Variants in PRELID2 observed in about 807,000 individuals in gnomAD.
PRELID2 encodes PRELI domain-containing protein 2.
A neutral mutation model predicts 28.4 loss-of-function variants in PRELID2; 25 were observed. That is an observed-to-expected ratio of 0.88 (90% CI 0.64 to 1.23). The LOEUF (loss-of-function observed/expected upper bound fraction) is 1.23, where lower values mean the gene tolerates loss of function less well. Among genes scored for constraint, PRELID2 ranks in the 50% most tolerant of loss-of-function variants. PRELID2 has a pLI of 0.00. For synonymous variants in PRELID2, 76 were observed against 71.6 expected (o/e 1.06, Z -0.31); for missense variants, 201 against 214.4 (o/e 0.94, Z 0.39).
chr5:145,764,793 C>T (rs533006674), intron 6 of PRELID2, 138 bp downstream of exon 6: 79 of 640,290 alleles, frequency 1.2e-4, no homozygotes, highest in Non-Finnish European at 2.0e-4. Context: ...GATAAAACAC[C>T]TGTGAAATAG....
At chr5:145,600,645 T>C (rs1753383408) in intron 1 of PRELID2, among the ~76,000 whole-genome samples, 1 of 151,946 alleles carries the variant, frequency 6.6e-6, no homozygotes, top group Non-Finnish European at 1.5e-5. Flanking sequence ...AAACTCTCGA[T>C]TTAGACTTCA....
chr5:145,832,004 C>T (rs1220930984), intron 1 of PRELID2, among the ~76,000 whole-genome samples: 4 of 152,158 alleles, frequency 2.6e-5, no homozygotes, highest in Non-Finnish European at 5.9e-5. Context: ...TAAGTCGCTA[C>T]GTTTTGGAGT....
At chr5:145,423,142 A>G in the PRELID2 span, among the ~76,000 whole-genome samples, 10 of 151,868 alleles carry the variant, frequency 6.6e-5, no homozygotes, top group African/African-American at 1.9e-4. Flanking sequence ...AGGGTAACCC[A>G]ACCTTTCTCT....
the PRELID2 span, among the ~76,000 whole-genome samples, chr5:145,278,617 A>G: frequency 2.6e-5 from 4 of 152,162 alleles, no homozygotes; most frequent in Admixed American, 1.3e-4. Context: ...AGAATCCTAC[A>G]TAACATAATC....
the PRELID2 span, among the ~76,000 whole-genome samples, chr5:145,364,011 A>T: frequency 6.6e-6 from 1 of 151,986 alleles, no homozygotes; most frequent in Non-Finnish European, 1.5e-5. Context: ...GCTGCATAAA[A>T]CTTCACACAA....
the PRELID2 span, among the ~76,000 whole-genome samples, chr5:145,310,338 C>G: frequency 1.3e-5 from 2 of 152,112 alleles, no homozygotes; most frequent in Non-Finnish European, 2.9e-5. Flanking sequence ...CTTACAATAT[C>G]AGACTTCTGA....
chr5:145,229,917 T>C, the PRELID2 span: 1 of 750,432 alleles, frequency 1.3e-6, no homozygotes, highest in Non-Finnish European at 2.5e-6. Context: ...GTCCCCACTG[T>C]CTCTCTACAA....
chr5:145,644,640 T>C (rs1194851052), intron 1 of PRELID2, among the ~76,000 whole-genome samples: 3 of 152,234 alleles, frequency 2.0e-5, no homozygotes, highest in Non-Finnish European at 2.9e-5. Context: ...CTGCTGTCTC[T>C]TGTGGGCATT....
chr5:145,480,716 C>T (rs1752150907), intron 1 of PRELID2, among the ~76,000 whole-genome samples: 1 of 152,028 alleles, frequency 6.6e-6, no homozygotes, highest in South Asian at 2.1e-4. Flanking sequence ...ATTTTTTCCT[C>T]TACTCAAAGC....
At chr5:145,242,499 G>A in the PRELID2 span, among the ~76,000 whole-genome samples, 1 of 152,006 alleles carries the variant, frequency 6.6e-6, no homozygotes, top group Non-Finnish European at 1.5e-5. Flanking sequence ...TCTGTCCAAG[G>A]TTATCCGGAT....
At chr5:145,737,758 C>T (rs538034117) in intron 1 of PRELID2, among the ~76,000 whole-genome samples, 57 of 152,322 alleles carry the variant, frequency 3.7e-4, no homozygotes, top group African/African-American at 1.4e-3. Flanking sequence ...TAGACTTTCA[C>T]CCTCACCAGG....
chr5:145,396,455 G>A, the PRELID2 span, among the ~76,000 whole-genome samples: 1 of 144,332 alleles, frequency 6.9e-6, no homozygotes, highest in Admixed American at 7.0e-5. Context: ...AGCCTAAAAT[G>A]TAAGAATGAC....
chr5:145,289,644 G>C, the PRELID2 span, among the ~76,000 whole-genome samples: 5 of 152,174 alleles, frequency 3.3e-5, no homozygotes, highest in East Asian at 7.7e-4. Flanking sequence ...CATATGGTAA[G>C]ACTATATTTA....
At chr5:145,706,466 G>A (rs1755550172) in intron 1 of PRELID2, among the ~76,000 whole-genome samples, 1 of 152,138 alleles carries the variant, frequency 6.6e-6, no homozygotes, top group Non-Finnish European at 1.5e-5. Context: ...GGAGTTCAAG[G>A]GAGCGCCCAC....
intron 1 of PRELID2, among the ~76,000 whole-genome samples, chr5:145,735,434 C>G (rs910088088): frequency 6.6e-6 from 1 of 151,838 alleles, no homozygotes; most frequent in Non-Finnish European, 1.5e-5. Flanking sequence ...GTTTACTCCA[C>G]CTCAGAGAAA....
At chr5:145,582,371 CAG>C (rs1480056468) in intron 1 of PRELID2, among the ~76,000 whole-genome samples, 1 of 151,974 alleles carries the variant, frequency 6.6e-6, no homozygotes, top group African/African-American at 2.4e-5. Flanking sequence ...AGAGAGCAAA[CAG>C]GGAAGTTCCA....
At chr5:145,315,674 CAA>C in the PRELID2 span, among the ~76,000 whole-genome samples, 2 of 151,134 alleles carry the variant, frequency 1.3e-5, no homozygotes, top group East Asian at 2.0e-4. Flanking sequence ...ATGTAGCTGA[CAA>C]GAGAGAAATT....
At chr5:145,637,989 T>G (rs941185005) in intron 1 of PRELID2, among the ~76,000 whole-genome samples, 3 of 152,052 alleles carry the variant, frequency 2.0e-5, no homozygotes, top group African/African-American at 7.2e-5. Flanking sequence ...TTTTGTATTT[T>G]CAGTAGAGAT....
chr5:145,710,248 A>G (rs1206150453), intron 1 of PRELID2, among the ~76,000 whole-genome samples: 1 of 152,184 alleles, frequency 6.6e-6, no homozygotes, highest in Non-Finnish European at 1.5e-5. Context: ...AAGTATAAAA[A>G]TATTTACTAT....
Sources: gnomAD v4.1 joint callset for allele counts (sites outside exome capture counted in the v4.1 genomes callset) on GRCh38, gnomAD v4.1.1 for gene constraint, MANE v1.5 for transcripts, NCBI Gene and HGNC (gene_info 2026-07-23, HGNC 2026-07-21) for gene names.